Variants in KANK1 observed in about 807,000 individuals in gnomAD.
KANK1 encodes the protein KN motif and ankyrin repeat domain-containing protein 1.
KANK1 carries 109 observed loss-of-function variants against 106.2 expected under a neutral mutation model. The observed-to-expected ratio is 1.03, with a 90% CI of 0.88 to 1.20. The LOEUF (loss-of-function observed/expected upper bound fraction) is 1.20. KANK1 is among the 50% of genes most tolerant of loss of function. The pLI, the probability that KANK1 is intolerant of heterozygous loss-of-function variation, is 0.00. For synonymous variants in KANK1, 873 were observed against 652.2 expected (o/e 1.34, Z -5.16); for missense variants, 2,399 against 1,710.7 (o/e 1.40, Z -7.10).
intron 1 of KANK1, among the ~76,000 whole-genome samples, chr9:619,874 C>T (rs1012612536): frequency 5.9e-5 from 9 of 152,194 alleles, no homozygotes; most frequent in East Asian, 3.9e-4. Context: ...CAGTGACTCA[C>T]GCTTGTAATC....
At chr9:577,621 AG>A (rs1820933563) in intron 1 of KANK1, among the ~76,000 whole-genome samples, 1 of 152,184 alleles carries the variant, frequency 6.6e-6, no homozygotes, top group Admixed American at 6.5e-5. Flanking sequence ...TCTTTGTTTA[AG>A]GCAGTTATTC....
In KANK1 at chr9:713,101, A is replaced by G. The variant is rs1244241870; in HGVS notation, c.2335A>G (p.Ile779Val). 8 of 1,610,600 alleles carry G rather than the reference A, an allele frequency of 5.0e-6. No homozygotes were observed. Among genetic ancestry groups the G allele is most frequent in the South Asian group, 2.2e-5 (2 of 90,678 alleles). ...NYLVGLKMRT[I>V]ACGPPQLTVG... ...TCTGGTTGGTCTCAAAATGAGGACTATAGCTTGTGGGCCACCACAGTTGAC... is the reference window on the plus strand; with the variant it reads ...TCTGGTTGGTCTCAAAATGAGGACTGTAGCTTGTGGGCCACCACAGTTGAC... The change falls in exon 3 of 12, where the codon ATA becomes GTA. Residue 779 changes from isoleucine to valine, a missense_variant. Physicochemically the swap from Ile to Val is conservative, Grantham distance 29 (BLOSUM62 3). Coordinates refer to ENST00000382297, the MANE Select transcript of KANK1 (RefSeq NM_015158.5).
chr9:540,409 T>C (rs2060533876), intron 1 of KANK1: 1 of 152,244 alleles, frequency 6.6e-6, no homozygotes, highest in Admixed American at 6.5e-5. Context: ...TGTATGATCC[T>C]TTTAATGTGC....
intron 1 of KANK1, among the ~76,000 whole-genome samples, chr9:632,839 GC>G (rs1411831547): frequency 6.6e-6 from 1 of 151,964 alleles, no homozygotes; most frequent in East Asian, 1.9e-4. Flanking sequence ...ACAGGCATGC[GC>G]CACCGCACCC....
intron 1 of KANK1, among the ~76,000 whole-genome samples, chr9:671,564 C>A (rs1305955590): frequency 1.0e-5 from 1 of 97,886 alleles, no homozygotes; most frequent in Non-Finnish European, 2.0e-5. Context: ...TGCAGCGTGC[C>A]GAGATGGCGC....
chr9:505,813 G>C (rs989309948), intron 1 of KANK1, among the ~76,000 whole-genome samples: 7 of 152,222 alleles, frequency 4.6e-5, no homozygotes, highest in Admixed American at 3.3e-4. Context: ...ATGTGTAATC[G>C]TGCAGTTCCT....
At chr9:693,589 A>G (rs1295563296) in intron 2 of KANK1, 1 of 985,386 alleles carries the variant, frequency 1.0e-6, no homozygotes, top group Non-Finnish European at 1.2e-6. Context: ...ACTGACGCCA[A>G]GAGTCCTGGA....
intron 1 of KANK1, among the ~76,000 whole-genome samples, chr9:551,729 G>A (rs2061294773): frequency 6.6e-6 from 1 of 152,066 alleles, no homozygotes; most frequent in Admixed American, 6.6e-5. Flanking sequence ...GATACCATCG[G>A]TGTTGTTATA....
chr9:722,338 T>C (rs893667875), intron 3 of KANK1, among the ~76,000 whole-genome samples: 1 of 152,170 alleles, frequency 6.6e-6, no homozygotes, highest in Non-Finnish European at 1.5e-5. Flanking sequence ...TCTGTCTCTC[T>C]GTCTGTCTGC....
chr9:539,510 AG>A (rs2060474701), intron 1 of KANK1: 1 of 151,830 alleles, frequency 6.6e-6, no homozygotes, highest in Non-Finnish European at 1.5e-5. Context: ...CTTTTTTTTG[AG>A]ACAGGGTCTC....
At chr9:490,947 G>T (rs2058368393) in intron 3 of KANK1, among the ~76,000 whole-genome samples, 1 of 147,558 alleles carries the variant, frequency 6.8e-6, no homozygotes, top group African/African-American at 2.5e-5. Flanking sequence ...CTATGTGAAG[G>T]GCTAAAGTGG....
intron 1 of KANK1, among the ~76,000 whole-genome samples, chr9:527,591 A>G (rs1340563902): frequency 2.0e-5 from 3 of 151,620 alleles, no homozygotes; most frequent in African/African-American, 7.3e-5. Context: ...GTAAGCCACT[A>G]CACTCGGCTG....
In KANK1 at chr9:730,177, C is replaced by G. The variant is rs114218421; in HGVS notation, c.2825C>G (p.Ala942Gly). 2 of 1,614,180 alleles carry G rather than the reference C, an allele frequency of 1.2e-6. No individual in the cohort carries two copies. Among genetic ancestry groups the G allele is most frequent in the African/African-American group, 2.7e-5 (2 of 75,048 alleles). Residue 942 changes from alanine to glycine, a missense_variant, in exon 4 of 12, where the codon GCC becomes GGC. Ala to Gly is a moderately conservative substitution (Grantham distance 60). Coordinates refer to ENST00000382297, the MANE Select transcript of KANK1 (RefSeq NM_015158.5). Reference sequence around the variant, plus strand: ...GGAAAGCCAATCAGCAGCCTGGATGCCTTCCCCACTCAGGAAGGTACGCTG... The same window carrying G: ...GGAAAGCCAATCAGCAGCCTGGATGGCTTCCCCACTCAGGAAGGTACGCTG... ...SEGKPISSLD[A>G]FPTQEGTLSP...
At chr9:683,275 C>G (rs963555955) in intron 2 of KANK1, among the ~76,000 whole-genome samples, 5 of 152,134 alleles carry the variant, frequency 3.3e-5, no homozygotes, top group Admixed American at 6.5e-5. Flanking sequence ...AATGTGTGTT[C>G]TTATTTGTGC....
chr9:537,291 C>T (rs753462473), intron 1 of KANK1, among the ~76,000 whole-genome samples: 9 of 152,106 alleles, frequency 5.9e-5, no homozygotes, highest in South Asian at 2.1e-4. Context: ...TTGGGGAGGA[C>T]GAGAAGCCTC....
intron 1 of KANK1, among the ~76,000 whole-genome samples, chr9:641,111 A>G (rs1051052959): frequency 6.6e-6 from 1 of 152,166 alleles, no homozygotes; most frequent in Non-Finnish European, 1.5e-5. Flanking sequence ...CCAATTTTCC[A>G]TTTATACCAG....
intron 3 of KANK1, among the ~76,000 whole-genome samples, chr9:726,508 A>G (rs1830679289): frequency 6.6e-6 from 1 of 152,010 alleles, no homozygotes; most frequent in African/African-American, 2.4e-5. Flanking sequence ...GCATGGTGGC[A>G]CTTGCCTGTA....
intron 1 of KANK1, among the ~76,000 whole-genome samples, chr9:630,303 C>T (rs2136731380): frequency 6.6e-6 from 1 of 151,762 alleles, no homozygotes; most frequent in Non-Finnish European, 1.5e-5. Flanking sequence ...CGCCTGTAAT[C>T]CCAGCACTTT....
At chr9:691,780 AT>A (rs71314726) in intron 2 of KANK1, among the ~76,000 whole-genome samples, 128 of 130,948 alleles carry the variant, frequency 9.8e-4, no homozygotes, top group Middle Eastern at 8.0e-3. Context: ...CACCTAGCTA[AT>A]TTTTTTTTTT....
Sources: gnomAD v4.1 joint callset for allele counts (sites outside exome capture counted in the v4.1 genomes callset) on GRCh38, gnomAD v4.1.1 for gene constraint, MANE v1.5 for transcripts, NCBI Gene and HGNC (gene_info 2026-07-23, HGNC 2026-07-21) for gene names.